CDKAL1: variants seen among roughly 807,000 people sequenced by gnomAD.
The protein encoded by CDKAL1 is CDKAL1 threonylcarbamoyladenosine tRNA methylthiotransferase.
A neutral mutation model predicts 68.2 loss-of-function variants in CDKAL1; 32 were observed. That is an observed-to-expected ratio of 0.47 (90% CI 0.35 to 0.63). CDKAL1 has a LOEUF of 0.63. Ranked by LOEUF, CDKAL1 falls within the 30% of genes least tolerant of loss-of-function variation. The pLI, the probability that CDKAL1 is intolerant of heterozygous loss-of-function variation, is 0.00. For synonymous variants in CDKAL1, 234 were observed against 244.3 expected (o/e 0.96, Z 0.39); for missense variants, 606 against 696.7 (o/e 0.87, Z 1.47).
At chr6:21,022,549 T>G (rs545059582) in intron 11 of CDKAL1, among the ~76,000 whole-genome samples, 2 of 152,180 alleles carry the variant, frequency 1.3e-5, no homozygotes, top group Non-Finnish European at 2.9e-5. Context: ...TGACAACAGT[T>G]TGGGTCAGCT....
intron 6 of CDKAL1, among the ~76,000 whole-genome samples, chr6:20,752,485 G>A (rs1464639795): frequency 6.6e-6 from 1 of 151,946 alleles, no homozygotes; most frequent in Non-Finnish European, 1.5e-5. Flanking sequence ...CTATGTGCAT[G>A]CACACATGTA....
intron 15 of CDKAL1, 78 bp from the exon 16 acceptor site, chr6:21,230,770 C>T: frequency 4.3e-6 from 5 of 1,152,756 alleles, no homozygotes; most frequent in Non-Finnish European, 6.0e-6. Flanking sequence ...CCTTCTGGAA[C>T]CCATTGCTTG....
chr6:20,587,766 A>G (rs186533284), intron 4 of CDKAL1, among the ~76,000 whole-genome samples: 121 of 150,692 alleles, frequency 8.0e-4, no homozygotes, highest in Admixed American at 1.4e-3. Flanking sequence ...CCCCCCTCAA[A>G]AAACCAACTC....
At chr6:21,160,651 ACACAC>A (rs1776878260) in intron 13 of CDKAL1, among the ~76,000 whole-genome samples, 2 of 134,172 alleles carry the variant, frequency 1.5e-5, no homozygotes, top group African/African-American at 2.7e-5. Flanking sequence ...ACACACACAC[ACACAC>A]GTGTGTGTGT....
intron 8 of CDKAL1, among the ~76,000 whole-genome samples, chr6:20,803,428 G>A (rs1230743039): frequency 6.6e-6 from 1 of 152,170 alleles, no homozygotes; most frequent in African/African-American, 2.4e-5. Flanking sequence ...CCTTTTCCAT[G>A]TCAAGTGTCA....
chr6:20,742,054 A>T (rs1561736874), intron 6 of CDKAL1, among the ~76,000 whole-genome samples: 3 of 152,118 alleles, frequency 2.0e-5, no homozygotes, highest in Non-Finnish European at 4.4e-5. Flanking sequence ...CATTTCTCTA[A>T]CAATCAGTGA....
chr6:21,197,294 T>G (rs1317818739), intron 13 of CDKAL1, among the ~76,000 whole-genome samples: 1 of 152,224 alleles, frequency 6.6e-6, no homozygotes, highest in African/African-American at 2.4e-5. Context: ...ATTTACTTCT[T>G]TGCTATTAAA....
chr6:20,902,227 C>T (rs1762023439), intron 9 of CDKAL1, among the ~76,000 whole-genome samples: 1 of 151,828 alleles, frequency 6.6e-6, no homozygotes, highest in African/African-American at 2.4e-5. Context: ...TCAGTAGCTG[C>T]TGTGTGGAGA....
chr6:20,994,798 G>T (rs1767016775), intron 10 of CDKAL1, among the ~76,000 whole-genome samples: 1 of 152,108 alleles, frequency 6.6e-6, no homozygotes, highest in Non-Finnish European at 1.5e-5. Context: ...GCTAAAAAAT[G>T]AGCCTTCAGC....
chr6:20,893,361 A>G (rs1421864456), intron 9 of CDKAL1, among the ~76,000 whole-genome samples: 2 of 152,152 alleles, frequency 1.3e-5, no homozygotes, highest in African/African-American at 4.8e-5. Context: ...TTGGTCCCCC[A>G]CTGTATAACT....
At chr6:20,714,011 T>A (rs1235026963) in intron 5 of CDKAL1, among the ~76,000 whole-genome samples, 2 of 152,142 alleles carry the variant, frequency 1.3e-5, no homozygotes, top group East Asian at 3.8e-4. Flanking sequence ...AAATGATTTC[T>A]TATGACACTT....
At chr6:20,746,017 GTGATTGAGCTTAGCC>G in intron 6 of CDKAL1, among the ~76,000 whole-genome samples, 1 of 152,288 alleles carries the variant, frequency 6.6e-6, no homozygotes, top group Admixed American at 6.5e-5. Flanking sequence ...GTTTCTGTGT[GTGATTGAGCTTAGCC>G]TGTTGAATTT....
intron 13 of CDKAL1, among the ~76,000 whole-genome samples, chr6:21,134,287 T>C (rs933903032): frequency 5.3e-5 from 8 of 152,180 alleles, no homozygotes; most frequent in African/African-American, 1.7e-4. Context: ...AGAGATTTAG[T>C]GTGCATTAAT....
chr6:21,145,024 G>C (rs1776099932), intron 13 of CDKAL1, among the ~76,000 whole-genome samples: 1 of 152,152 alleles, frequency 6.6e-6, no homozygotes, highest in South Asian at 2.1e-4. Context: ...TTGAGCCCTA[G>C]GTGGTCATGT....
In CDKAL1 at chr6:21,139,543, C is replaced by T. The variant is rs147171953; in HGVS notation, c.1299+31080C>T. 6.2e-3 allele frequency among the ~76,000 whole-genome samples: 949 copies of T among 152,222 alleles called. 8 individuals are homozygous for T. The highest frequency in any genetic ancestry group is 0.022 in the African/African-American group (905 of 41,528). ...CCTTTTTTTCCCCTTGAAACAGGGTCTCTGTCTCTCAGGCTGGAGTGCAGT... is the reference window on the plus strand; with the variant it reads ...CCTTTTTTTCCCCTTGAAACAGGGTTTCTGTCTCTCAGGCTGGAGTGCAGT... On this transcript the variant is annotated intron_variant, in intron 13 of 15. Coordinates refer to ENST00000274695, the MANE Select transcript of CDKAL1 (RefSeq NM_017774.3).
intron 9 of CDKAL1, among the ~76,000 whole-genome samples, chr6:20,922,951 A>G (rs1763022819): frequency 1.3e-5 from 2 of 152,368 alleles, no homozygotes; most frequent in Non-Finnish European, 2.9e-5. Flanking sequence ...AGAATTAGTC[A>G]TAAGAGTATT....
rs1354626818 is a variant in CDKAL1, at chr6:21,201,100, T to A, written c.1384-10T>A. The A allele has an allele frequency of 3.8e-6, 6 of 1,591,194 alleles. No homozygotes were observed. Among genetic ancestry groups the A allele is most frequent in the Non-Finnish European group, 5.2e-6 (6 of 1,164,788 alleles). Reference sequence around the variant, plus strand: ...TTAAAAATTAAGCCTCTGAAACAAATGTGTTTAAGGTTTTAGTGCCAAAGA... The same window carrying A: ...TTAAAAATTAAGCCTCTGAAACAAAAGTGTTTAAGGTTTTAGTGCCAAAGA... On this transcript the variant is annotated splice_polypyrimidine_tract_variant and intron_variant, in intron 14 of 15. Transcript: ENST00000274695.
At chr6:21,032,451 T>A (rs415446) in intron 11 of CDKAL1, among the ~76,000 whole-genome samples, 1 of 151,896 alleles carries the variant, frequency 6.6e-6, no homozygotes, top group Non-Finnish European at 1.5e-5. Context: ...GTTACTTAAT[T>A]ATTCTCCCTT....
At chr6:20,822,547 G>A (rs187095769) in intron 8 of CDKAL1, among the ~76,000 whole-genome samples, 18 of 151,082 alleles carry the variant, frequency 1.2e-4, no homozygotes, top group African/African-American at 4.2e-4. Flanking sequence ...CTCAGCGATA[G>A]GGTTAGGCTT....
Sources: allele counts gnomAD v4.1 joint callset (sites outside exome capture counted in the v4.1 genomes callset), GRCh38; gene constraint gnomAD v4.1.1; transcripts MANE v1.5; gene names NCBI Gene and HGNC (gene_info 2026-07-23, HGNC 2026-07-21).